Variants in TRPM3 observed in about 807,000 individuals in gnomAD.
The protein encoded by TRPM3 is transient receptor potential cation channel subfamily M member 3, also known as long transient receptor potential channel 3.
Under a neutral mutation model 181.2 loss-of-function variants are expected in TRPM3, and 77 were observed. The ratio of observed to expected loss-of-function variants is 0.42; its 90% CI spans 0.35 to 0.51. The LOEUF (loss-of-function observed/expected upper bound fraction) is 0.51, where lower values mean the gene tolerates loss of function less well. Ranked by LOEUF, TRPM3 falls within the 20% of genes least tolerant of loss-of-function variation. TRPM3 has a pLI of 0.01. For synonymous variants in TRPM3, 745 were observed against 796.4 expected (o/e 0.94, Z 1.09); for missense variants, 1,759 against 2,196.7 (o/e 0.80, Z 3.98).
chr9:70,793,958 T>G (rs2131065234), intron 6 of TRPM3, among the ~76,000 whole-genome samples: 1 of 152,316 alleles, frequency 6.6e-6, no homozygotes, highest in East Asian at 1.9e-4. Flanking sequence ...TAGGCTGTGC[T>G]ACGATGTTTG....
At chr9:71,427,992 C>A (rs1405282290) in intron 1 of TRPM3, among the ~76,000 whole-genome samples, 1 of 152,150 alleles carries the variant, frequency 6.6e-6, no homozygotes, top group Non-Finnish European at 1.5e-5. Context: ...CACCTGAGGA[C>A]CTTTTCAAGC....
At chr9:71,055,478 C>T (rs1282197608) in intron 1 of TRPM3, among the ~76,000 whole-genome samples, 1 of 152,040 alleles carries the variant, frequency 6.6e-6, no homozygotes, top group African/African-American at 2.4e-5. Context: ...GTCCAGCTTC[C>T]TAGTTCTCAG....
chr9:70,764,857 C>T (rs2078804287), intron 7 of TRPM3, among the ~76,000 whole-genome samples: 1 of 152,198 alleles, frequency 6.6e-6, no homozygotes, highest in Middle Eastern at 3.4e-3. Context: ...GCTTTCCTGC[C>T]TTTAACAGCT....
chr9:70,793,142 T>C (rs1376816998), intron 6 of TRPM3, among the ~76,000 whole-genome samples: 1 of 152,170 alleles, frequency 6.6e-6, no homozygotes, highest in Non-Finnish European at 1.5e-5. Flanking sequence ...ACAGACATGT[T>C]TCTGCCTCCT....
intron 6 of TRPM3, among the ~76,000 whole-genome samples, chr9:70,790,338 T>C (rs1037825897): frequency 1.2e-4 from 18 of 152,178 alleles, no homozygotes; most frequent in Non-Finnish European, 1.3e-4. Context: ...GGATTTGCAC[T>C]TTAAGTGAGA....
rs1451959884 is a variant in TRPM3, at chr9:71,016,328, G to A, written c.177+104850C>T. 2.0e-5 allele frequency among the ~76,000 whole-genome samples: 3 copies of A among 151,752 alleles called. No homozygotes were observed. The East Asian group carries it at 5.8e-4, about 29-fold the overall frequency. On this transcript the variant is annotated intron_variant, in intron 1 of 25. Coordinates refer to ENST00000677713, the MANE Select transcript of TRPM3 (RefSeq NM_001366145.2). ...TAAGTGTACAGTTTGCTGGCATTAA[G>A]TACATTGACATCATTGTGCAACCAT...
rs536935797 is a variant in TRPM3, at chr9:71,045,030, C to A, written c.177+76148G>T. Among the ~76,000 whole-genome samples the A allele has an allele frequency of 9.2e-5, 14 of 152,118 alleles. No individual in the cohort carries two copies. In the South Asian group the frequency reaches 1.9e-3, roughly 20 times the overall value. ...ATTTTGGTCAATCCAGGAGACACTC[C>A]ATCGAAGAGTCTCTAGGATTTATTA... On this transcript the variant is annotated intron_variant, in intron 1 of 25. Coordinates refer to ENST00000677713, the MANE Select transcript of TRPM3 (RefSeq NM_001366145.2).
At chr9:71,026,716 T>C (rs1040557445) in intron 1 of TRPM3, among the ~76,000 whole-genome samples, 2 of 152,194 alleles carry the variant, frequency 1.3e-5, no homozygotes, top group East Asian at 3.9e-4. Context: ...CTGACACCGG[T>C]GCAAAGAAAA....
chr9:71,419,441 T>G (rs1357525947), intron 1 of TRPM3, among the ~76,000 whole-genome samples: 1 of 151,972 alleles, frequency 6.6e-6, no homozygotes, highest in Non-Finnish European at 1.5e-5. Flanking sequence ...AGGTATCTTT[T>G]TCCCTGAGGA....
intron 1 of TRPM3, among the ~76,000 whole-genome samples, chr9:71,336,193 AAGAT>A (rs1185756906): frequency 6.6e-6 from 1 of 151,862 alleles, no homozygotes; most frequent in Non-Finnish European, 1.5e-5. Flanking sequence ...AAAAAAAAAA[AAGAT>A]AGCAGGTTGA....
intron 18 of TRPM3, among the ~76,000 whole-genome samples, chr9:70,613,750 C>T (rs1334457122): frequency 6.6e-6 from 1 of 152,172 alleles, no homozygotes; most frequent in Non-Finnish European, 1.5e-5. Context: ...TAGTAAACAA[C>T]GTCAGGGTCT....
At chr9:71,249,453 C>T (rs774126442) in intron 1 of TRPM3, among the ~76,000 whole-genome samples, 51 of 152,042 alleles carry the variant, frequency 3.4e-4, no homozygotes, top group Non-Finnish European at 6.5e-4. Flanking sequence ...TTAAATGTTC[C>T]TATTTGGAAT....
At chr9:71,326,024 C>T (rs1321691218) in intron 1 of TRPM3, among the ~76,000 whole-genome samples, 3 of 152,138 alleles carry the variant, frequency 2.0e-5, no homozygotes. Context: ...GTGATATGAA[C>T]ATTGCAATGT....
chr9:70,959,366 C>G (rs911804274), intron 1 of TRPM3, among the ~76,000 whole-genome samples: 1 of 151,438 alleles, frequency 6.6e-6, no homozygotes, highest in African/African-American at 2.4e-5. Context: ...CTCTGTGGGC[C>G]CCAACATTCT....
At chr9:71,232,386 C>A (rs1233043668) in intron 1 of TRPM3, among the ~76,000 whole-genome samples, 1 of 151,804 alleles carries the variant, frequency 6.6e-6, no homozygotes, top group Admixed American at 6.6e-5. Context: ...AATGATCTAC[C>A]ATCTAATTTC....
At chr9:71,083,888 A>G (rs1270195356) in intron 1 of TRPM3, among the ~76,000 whole-genome samples, 4 of 151,940 alleles carry the variant, frequency 2.6e-5, no homozygotes, top group African/African-American at 7.2e-5. Context: ...ATACATATAT[A>G]TAGTTTTTAA....
At chr9:70,662,967 T>G (rs1282314757) in intron 9 of TRPM3, among the ~76,000 whole-genome samples, 1 of 152,110 alleles carries the variant, frequency 6.6e-6, no homozygotes, top group African/African-American at 2.4e-5. Context: ...CAATTCGCAA[T>G]GGCAAAGATA....
intron 1 of TRPM3, among the ~76,000 whole-genome samples, chr9:71,420,523 GAAAGAGAAAGAAAGAAAGAA>G (rs1263940220): frequency 1.5e-5 from 2 of 136,916 alleles, no homozygotes; most frequent in Non-Finnish European, 3.2e-5. Flanking sequence ...AAGAAAAAGA[GAAAGAGAAAGAAAGAAAGAA>G]AAAGAGAAAG....
At chr9:70,772,647 C>A (rs878984060) in intron 7 of TRPM3, among the ~76,000 whole-genome samples, 1 of 152,198 alleles carries the variant, frequency 6.6e-6, no homozygotes, top group African/African-American at 2.4e-5. Context: ...TTCTGTTGGG[C>A]AGTGCTGCTC....
Sources: gnomAD v4.1 joint callset for allele counts (sites outside exome capture counted in the v4.1 genomes callset) on GRCh38, gnomAD v4.1.1 for gene constraint, MANE v1.5 for transcripts, NCBI Gene and HGNC (gene_info 2026-07-23, HGNC 2026-07-21) for gene names.